HIVEP3: variants seen among roughly 807,000 people sequenced by gnomAD.
HIVEP3 encodes the protein transcription factor HIVEP3.
A neutral mutation model predicts 152.8 loss-of-function variants in HIVEP3; 49 were observed. The observed-to-expected ratio is 0.32, with a 90% CI of 0.26 to 0.41. The LOEUF is 0.41. Among genes scored for constraint, HIVEP3 ranks in the 10% least tolerant of loss-of-function variants. The probability of loss-of-function intolerance (pLI) is 1.00; values close to 1 mark genes in which losing one functional copy is unlikely to be tolerated. For missense variants in HIVEP3, 2,790 were observed against 3,103.3 expected (o/e 0.90, Z 2.40); for synonymous variants, 1,269 against 1,289.0 (o/e 0.98, Z 0.33).
intron 1 of HIVEP3, among the ~76,000 whole-genome samples, chr1:41,898,333 G>A (rs75658109): frequency 6.6e-6 from 1 of 152,188 alleles, no homozygotes; most frequent in Non-Finnish European, 1.5e-5. Context: ...TCTCCCTGGA[G>A]GGGGAGGGGG....
intron 2 of HIVEP3, among the ~76,000 whole-genome samples, chr1:41,637,986 A>C (rs1053025233): frequency 1.3e-5 from 2 of 152,186 alleles, no homozygotes; most frequent in African/African-American, 4.8e-5. Flanking sequence ...TCTCACTTAT[A>C]AGTGGAATCT....
chr1:41,792,057 C>T (rs751836192), intron 1 of HIVEP3, among the ~76,000 whole-genome samples: 2 of 152,170 alleles, frequency 1.3e-5, no homozygotes, highest in African/African-American at 2.4e-5. Flanking sequence ...CCTCCCACTC[C>T]GTATGCCCCC....
At position 41,586,718 on chromosome 1, in the gene HIVEP3, C is replaced by T. The variant is rs138974520; in HGVS notation, c.-521-1400G>A. Among the ~76,000 whole-genome samples, 520 of 152,204 alleles carry T rather than the reference C, an allele frequency of 3.4e-3. 1 individual carries two copies. Among genetic ancestry groups the T allele is most frequent in the African/African-American group, 0.01 (423 of 41,518 alleles). Reference sequence around the variant, plus strand: ...ATAATTGTCTCTTAAAGGGCAGGGCCCTCGGACACTGTGATATGCTTTGGA... The same window carrying T: ...ATAATTGTCTCTTAAAGGGCAGGGCTCTCGGACACTGTGATATGCTTTGGA... On this transcript the variant is annotated intron_variant, in intron 3 of 8. Transcript: ENST00000372583.
intron 1 of HIVEP3, among the ~76,000 whole-genome samples, chr1:41,712,187 G>C (rs927674311): frequency 6.6e-6 from 1 of 152,268 alleles, no homozygotes; most frequent in African/African-American, 2.4e-5. Flanking sequence ...ACTGCGTGAA[G>C]CAGAGACAGA....
chr1:41,732,137 G>A (rs1646849089), intron 1 of HIVEP3, among the ~76,000 whole-genome samples: 1 of 152,200 alleles, frequency 6.6e-6, no homozygotes, highest in Non-Finnish European at 1.5e-5. Context: ...GCTAGACTAT[G>A]TGGGGAAGAT....
rs138036861 is a variant in HIVEP3, at chr1:41,839,812, C to T, written c.-801+78601G>A. Among the ~76,000 whole-genome samples the T allele has an allele frequency of 2.6e-3, 390 of 152,276 alleles. 1 individual carries two copies. The highest frequency in any genetic ancestry group is 8.8e-3 in the African/African-American group (364 of 41,546). ...GTCTACCTTGCTTAGCCTTGTAAGC[C>T]CCCGGTGACCACCCTGGATGCAAAT... On this transcript the variant is annotated intron_variant, in intron 1 of 8. Transcript: ENST00000372583.
At chr1:42,015,672 C>T (rs565889026) in intron 1 of HIVEP3, among the ~76,000 whole-genome samples, 21 of 152,372 alleles carry the variant, frequency 1.4e-4, no homozygotes, top group African/African-American at 4.8e-4. Flanking sequence ...TTTGGTGCCA[C>T]ACAAGAACCA....
upstream of HIVEP3, among the ~76,000 whole-genome samples, chr1:41,919,440 G>T (rs751325595): frequency 6.6e-6 from 1 of 152,172 alleles, no homozygotes; most frequent in Non-Finnish European, 1.5e-5. Flanking sequence ...TGCAGTCTCA[G>T]GGTCCATGTC....
chr1:41,853,060 C>T (rs892669183), intron 1 of HIVEP3, among the ~76,000 whole-genome samples: 1 of 152,108 alleles, frequency 6.6e-6, no homozygotes, highest in Non-Finnish European at 1.5e-5. Context: ...GGGTGGGAGG[C>T]ATGTGGGGAA....
At chr1:41,799,074 A>C (rs1650153615) in intron 1 of HIVEP3, among the ~76,000 whole-genome samples, 1 of 152,140 alleles carries the variant, frequency 6.6e-6, no homozygotes, top group South Asian at 2.1e-4. Flanking sequence ...TAATATCCTG[A>C]TGATCTTCCA....
chr1:41,813,833 C>T (rs1651106723), intron 1 of HIVEP3, among the ~76,000 whole-genome samples: 1 of 152,204 alleles, frequency 6.6e-6, no homozygotes, highest in Non-Finnish European at 1.5e-5. Context: ...GGAACCATGA[C>T]TAGCCATTCC....
Position 41,511,979 on chromosome 1 carries a change from G to A in HIVEP3, c.6406-713C>T, listed in dbSNP as rs1056983664. On this transcript the variant is annotated intron_variant, in intron 8 of 8. Coordinates refer to ENST00000372583, the MANE Select transcript of HIVEP3 (RefSeq NM_024503.5). The surrounding 1 kb of genome is among the most constrained non-coding windows in gnomAD (Gnocchi z 4.9). ...GCTGATGGTTGACAAGGATGATATT[G>A]GTTGTGGTGTCTCTGAGAGCACTGG... Among the ~76,000 whole-genome samples, 1 of 152,120 alleles carries A rather than the reference G, an allele frequency of 6.6e-6. No individual in the cohort carries two copies. The highest frequency in any genetic ancestry group is 6.5e-5 in the Admixed American group (1 of 15,272).
chr1:42,008,240 A>C (rs1645472305), intron 1 of HIVEP3, among the ~76,000 whole-genome samples: 1 of 152,220 alleles, frequency 6.6e-6, no homozygotes, highest in Non-Finnish European at 1.5e-5. Context: ...TAATGTTTCA[A>C]GTGTGAAGAT....
chr1:41,629,540 A>G (rs553714938), intron 2 of HIVEP3, among the ~76,000 whole-genome samples: 22 of 152,356 alleles, frequency 1.4e-4, no homozygotes, highest in African/African-American at 4.8e-4. Flanking sequence ...CGAAGATCTA[A>G]TATTCAGAAT....
chr1:41,638,257 A>AGAAAG (rs1398398977), intron 2 of HIVEP3, among the ~76,000 whole-genome samples: 1 of 16,740 alleles, frequency 6.0e-5, no homozygotes, highest in Non-Finnish European at 1.1e-4. Context: ...AGAAAGAGAG[A>AGAAAG]GAAAGAAAGA....
At chr1:41,969,356 T>C (rs1468768817) in intron 1 of HIVEP3, among the ~76,000 whole-genome samples, 3 of 151,932 alleles carry the variant, frequency 2.0e-5, no homozygotes, top group African/African-American at 2.4e-5. Flanking sequence ...TGGTACAAAA[T>C]AGACACATAG....
intron 1 of HIVEP3, among the ~76,000 whole-genome samples, chr1:41,863,491 T>C (rs557017625): frequency 1.6e-4 from 24 of 152,280 alleles, no homozygotes; most frequent in African/African-American, 5.8e-4. Flanking sequence ...GGTGATACCA[T>C]GTGCCAGTTC....
At chr1:42,020,905 G>C (rs911121445) in intron 1 of HIVEP3, among the ~76,000 whole-genome samples, 3 of 152,164 alleles carry the variant, frequency 2.0e-5, no homozygotes, top group African/African-American at 7.2e-5. Context: ...AAGTGTAAAG[G>C]CCCTAAGGTA....
In HIVEP3 at chr1:41,523,461, C is replaced by G. The variant is rs1317802443; in HGVS notation, c.5383+1274G>C. Among the ~76,000 whole-genome samples the G allele has an allele frequency of 3.3e-5, 5 of 151,884 alleles. No individual in the cohort carries two copies. The South Asian group carries it at 1.0e-3, about 32-fold the overall frequency. Reference sequence around the variant, plus strand: ...TTTGAGCTCAACTTGCAGATGATGGCGAGGGGACAGAGGAGGGCAGGGGTT... The same window carrying G: ...TTTGAGCTCAACTTGCAGATGATGGGGAGGGGACAGAGGAGGGCAGGGGTT... On this transcript the variant is annotated intron_variant, in intron 6 of 8. Transcript: ENST00000372583.
Sources: allele counts gnomAD v4.1 joint callset (sites outside exome capture counted in the v4.1 genomes callset), GRCh38; gene constraint gnomAD v4.1.1; non-coding constraint Gnocchi (gnomAD v3.1); transcripts MANE v1.5; gene names NCBI Gene and HGNC (gene_info 2026-07-23, HGNC 2026-07-21).